ROR2: variants seen among roughly 807,000 people sequenced by gnomAD.
ROR2 encodes the protein tyrosine-protein kinase transmembrane receptor ROR2.
In ROR2, 33 loss-of-function variants were observed where a neutral mutation model predicts 74.9. The observed-to-expected ratio is 0.44, with a 90% CI of 0.33 to 0.59. The LOEUF is 0.59. Among genes scored for constraint, ROR2 ranks in the 20% least tolerant of loss-of-function variants. ROR2 has a pLI of 0.02. For synonymous variants in ROR2, 586 were observed against 558.7 expected (o/e 1.05, Z -0.69); for missense variants, 1,216 against 1,313.8 (o/e 0.93, Z 1.15).
chr9:91,748,306 C>CT (rs60810449), intron 4 of ROR2, among the ~76,000 whole-genome samples: 31,137 of 151,758 alleles, frequency 0.21, 3,322 homozygotes, highest in South Asian at 0.32. Flanking sequence ...AGAGAATAGA[C>CT]TTTAAGTGTT....
At chr9:91,748,563 T>TA (rs1202416006) in intron 4 of ROR2, among the ~76,000 whole-genome samples, 4 of 152,244 alleles carry the variant, frequency 2.6e-5, no homozygotes, top group African/African-American at 7.2e-5. Context: ...GTTGTGGGTG[T>TA]AAGATTTGTA....
intron 1 of ROR2, among the ~76,000 whole-genome samples, chr9:91,804,616 GC>G: frequency 6.6e-6 from 1 of 152,352 alleles, no homozygotes; most frequent in East Asian, 1.9e-4. Context: ...TTCCAGGCAT[GC>G]CTTCACTGTG....
rs1165195755 is a variant in ROR2, at chr9:91,724,103, T to G, written c.2391A>C (p.Pro797=). The change falls in exon 9 of 9, where the codon CCA becomes CCC. Residue 797 remains proline (P), a synonymous_variant. Transcript: ENST00000375708. The part of the protein sequence containing the change: ...VGPKQKAPPF[P]QPQFIPMKGQ... ...CCTTCATGGGGATGAACTGGGGCTGTGGGAAGGGCGGGGCCTTCTGCTTGG... is the reference window on the plus strand; with the variant it reads ...CCTTCATGGGGATGAACTGGGGCTGGGGGAAGGGCGGGGCCTTCTGCTTGG... 6.2e-7 allele frequency: 1 copy of G among 1,611,110 alleles called. No individual in the cohort carries two copies. The highest frequency in any genetic ancestry group is 8.5e-7 in the Non-Finnish European group (1 of 1,179,928).
intron 1 of ROR2, among the ~76,000 whole-genome samples, chr9:91,918,054 G>A (rs1366494633): frequency 2.0e-5 from 3 of 152,232 alleles, no homozygotes; most frequent in Non-Finnish European, 2.9e-5. Flanking sequence ...GGCGGATCAC[G>A]AGGTCAGGAG....
At chr9:91,939,458 C>G (rs1301180423) in intron 1 of ROR2, among the ~76,000 whole-genome samples, 2 of 152,164 alleles carry the variant, frequency 1.3e-5, no homozygotes, top group African/African-American at 4.8e-5. Flanking sequence ...TAAGGCCACA[C>G]TTTTCACAAG....
At chr9:91,854,150 C>T (rs2119270954) in intron 1 of ROR2, among the ~76,000 whole-genome samples, 1 of 152,274 alleles carries the variant, frequency 6.6e-6, no homozygotes, top group African/African-American at 2.4e-5. Context: ...CTGCCCACCC[C>T]CATAGGCAAG....
intron 7 of ROR2, among the ~76,000 whole-genome samples, chr9:91,729,317 A>G (rs570866258): frequency 6.6e-6 from 1 of 152,350 alleles, no homozygotes; most frequent in African/African-American, 2.4e-5. Flanking sequence ...TACAGGGCAC[A>G]GGGCCATCCT....
Position 91,901,558 on chromosome 9 carries a change from G to A in ROR2, c.97+48309C>T, listed in dbSNP as rs146802643. ...GGGATGGGTGTGGTGGCTCATACCTGTAATCCCAGCACTTCGGGAGGCTAA... is the reference window on the plus strand; with the variant it reads ...GGGATGGGTGTGGTGGCTCATACCTATAATCCCAGCACTTCGGGAGGCTAA... On this transcript the variant is annotated intron_variant, in intron 1 of 8. Transcript: ENST00000375708. Among the ~76,000 whole-genome samples the A allele has an allele frequency of 2.0e-3, 303 of 152,262 alleles. 2 individuals carry two copies. Among genetic ancestry groups the A allele is most frequent in the African/African-American group, 7.1e-3 (293 of 41,536 alleles).
At position 91,810,966 on chromosome 9, in the gene ROR2, C is replaced by T. The variant is rs189057198; in HGVS notation, c.98-35148G>A. On this transcript the variant is annotated intron_variant, in intron 1 of 8. Coordinates refer to ENST00000375708, the MANE Select transcript of ROR2 (RefSeq NM_004560.4). ...AAGTGGTATCGATTCTGGTGTCACA[C>T]GTCACGTGGTTCTTTTTCTCAGCAG... is the stretch of plus-strand genomic sequence containing the variant. Among the ~76,000 whole-genome samples, 725 of 152,354 alleles carry T rather than the reference C, an allele frequency of 4.8e-3. 3 individuals are homozygous for T. Among genetic ancestry groups the T allele is most frequent in the Non-Finnish European group, 7.6e-3 (514 of 68,034 alleles).
rs186569357 is a variant in ROR2 at position 91,772,723 on chromosome 9, G to A, written c.175+3018C>T. On this transcript the variant is annotated intron_variant, in intron 2 of 8. Transcript: ENST00000375708. ...ACTCTGTAATCAATCAACTCCTTTC[G>A]GTCATGGGAACGCACTGAACACACA... is the stretch of plus-strand genomic sequence containing the variant. 1.2e-3 allele frequency among the ~76,000 whole-genome samples: 186 copies of A among 152,220 alleles called. 1 individual carries two copies. Among genetic ancestry groups the A allele is most frequent in the African/African-American group, 3.7e-3 (153 of 41,518 alleles).
intron 1 of ROR2, among the ~76,000 whole-genome samples, 172 bp from the exon 2 acceptor site, chr9:91,775,990 G>A (rs771433471): frequency 5.9e-5 from 9 of 152,208 alleles, no homozygotes; most frequent in Non-Finnish European, 1.3e-4. Flanking sequence ...GTGATATAAA[G>A]ATATGATGTA....
intron 4 of ROR2, among the ~76,000 whole-genome samples, chr9:91,751,324 C>A (rs964769034): frequency 6.6e-6 from 1 of 152,102 alleles, no homozygotes; most frequent in Non-Finnish European, 1.5e-5. Context: ...GTCTCCACAT[C>A]AACCTCCCAA....
At chr9:91,785,543 G>C (rs1326175065) in intron 1 of ROR2, among the ~76,000 whole-genome samples, 3 of 152,248 alleles carry the variant, frequency 2.0e-5, no homozygotes, top group Admixed American at 6.5e-5. Context: ...AAAAATATCT[G>C]ATGAGTAAAC....
At chr9:91,939,936 G>A (rs1287331226) in intron 1 of ROR2, among the ~76,000 whole-genome samples, 6 of 152,148 alleles carry the variant, frequency 3.9e-5, no homozygotes, top group African/African-American at 1.4e-4. Context: ...CAGATGCCTC[G>A]TGGCCTGAAT....
chr9:91,809,845 G>A (rs773537044), intron 1 of ROR2, among the ~76,000 whole-genome samples: 3 of 152,220 alleles, frequency 2.0e-5, no homozygotes, highest in Non-Finnish European at 2.9e-5. Flanking sequence ...CTGGGAATGG[G>A]AAGGGCATCA....
At chr9:91,784,973 A>G (rs374153388) in intron 1 of ROR2, among the ~76,000 whole-genome samples, 7 of 152,026 alleles carry the variant, frequency 4.6e-5, no homozygotes, top group African/African-American at 1.7e-4. Flanking sequence ...CATTAGGTGG[A>G]TGAATGAATG....
chr9:91,734,996 G>A (rs1440466141), intron 5 of ROR2, among the ~76,000 whole-genome samples: 1 of 151,716 alleles, frequency 6.6e-6, no homozygotes, highest in Non-Finnish European at 1.5e-5. Flanking sequence ...TACAGATTTG[G>A]GATTATATGG....
intron 1 of ROR2, among the ~76,000 whole-genome samples, chr9:91,900,558 G>C (rs917659919): frequency 6.6e-6 from 1 of 152,238 alleles, no homozygotes; most frequent in African/African-American, 2.4e-5. Context: ...ACATTCAAAA[G>C]CAGCCAAGGA....
At chr9:91,749,936 C>T (rs1825549204) in intron 4 of ROR2, among the ~76,000 whole-genome samples, 1 of 152,126 alleles carries the variant, frequency 6.6e-6, no homozygotes, top group South Asian at 2.1e-4. Context: ...AAGTATTGTT[C>T]TGTCGCCCAG....
Sources: gnomAD v4.1 joint callset for allele counts (sites outside exome capture counted in the v4.1 genomes callset) on GRCh38, gnomAD v4.1.1 for gene constraint, MANE v1.5 for transcripts, NCBI Gene and HGNC (gene_info 2026-07-23, HGNC 2026-07-21) for gene names.